KIAA1549L: variants seen among roughly 807,000 people sequenced by gnomAD.
KIAA1549L encodes the protein UPF0606 protein KIAA1549L.
KIAA1549L carries 88 observed loss-of-function variants against 160.7 expected under a neutral mutation model. The observed-to-expected ratio is 0.55, with a 90% CI of 0.46 to 0.65. KIAA1549L has a LOEUF of 0.65. KIAA1549L is among the 30% of genes least tolerant of loss of function. The probability of loss-of-function intolerance (pLI) is 0.00; values close to 1 mark genes in which losing one functional copy is unlikely to be tolerated. For synonymous variants in KIAA1549L, 950 were observed against 976.7 expected (o/e 0.97, Z 0.51); for missense variants, 2,258 against 2,437.5 (o/e 0.93, Z 1.55).
At chr11:33,546,509 A>G (rs1032847913) in intron 3 of KIAA1549L, among the ~76,000 whole-genome samples, 30 of 151,956 alleles carry the variant, frequency 2.0e-4, no homozygotes, top group African/African-American at 6.5e-4. Context: ...TCTCCATCCT[A>G]TTTCACACTG....
chr11:33,525,401 G>A (rs1295073360), intron 1 of KIAA1549L, among the ~76,000 whole-genome samples: 1 of 152,166 alleles, frequency 6.6e-6, no homozygotes, highest in African/African-American at 2.4e-5. Flanking sequence ...GCAGCAGGAA[G>A]AACCCTATAG....
At chr11:33,586,912 T>C (rs189414508) in intron 11 of KIAA1549L, among the ~76,000 whole-genome samples, 4 of 152,298 alleles carry the variant, frequency 2.6e-5, no homozygotes, top group Admixed American at 2.6e-4. Context: ...TACTGTGCCA[T>C]TGATATCAAA....
chr11:33,403,042 A>G (rs559394687), intron 1 of KIAA1549L, among the ~76,000 whole-genome samples: 2 of 152,278 alleles, frequency 1.3e-5, no homozygotes, highest in African/African-American at 4.8e-5. Flanking sequence ...GGATCTTGAC[A>G]ACAGAGTAAG....
Position 33,457,251 on chromosome 11 carries a change from C to T in KIAA1549L, c.238+80362C>T, listed in dbSNP as rs1730160256. Among the ~76,000 whole-genome samples the T allele has an allele frequency of 2.0e-5, 3 of 152,314 alleles. No homozygotes were observed. The South Asian group carries it at 6.2e-4, about 32-fold the overall frequency. On this transcript the variant is annotated intron_variant, in intron 1 of 20. Transcript: ENST00000658780. ...TTGGACTTCCCAGTGAATTCTTCCC[C>T]TCTCTTAAAGAGCTTGAAGTGTGTG...
intron 11 of KIAA1549L, among the ~76,000 whole-genome samples, chr11:33,588,525 A>T (rs942876412): frequency 2.6e-4 from 40 of 152,182 alleles, no homozygotes; most frequent in Non-Finnish European, 1.5e-5. Context: ...AAGCAACGAG[A>T]CCGAGGCAGG....
chr11:33,516,730 CAACCTTT>C (rs1197582231), intron 1 of KIAA1549L, among the ~76,000 whole-genome samples: 1 of 150,506 alleles, frequency 6.6e-6, no homozygotes, highest in Non-Finnish European at 1.5e-5. Flanking sequence ...CTGACCAATC[CAACCTTT>C]AATTTCTCCT....
At chr11:33,500,436 C>A (rs1456888167) in intron 1 of KIAA1549L, among the ~76,000 whole-genome samples, 2 of 152,136 alleles carry the variant, frequency 1.3e-5, no homozygotes, top group Non-Finnish European at 2.9e-5. Flanking sequence ...ATAAAGCAAG[C>A]AAGCCAAAAA....
At chr11:33,626,471 T>G (rs1367171748) in intron 16 of KIAA1549L, among the ~76,000 whole-genome samples, 1 of 149,760 alleles carries the variant, frequency 6.7e-6, no homozygotes, top group Admixed American at 6.6e-5. Context: ...GAAGAGGTCC[T>G]TCACATCCCT....
intron 17 of KIAA1549L, among the ~76,000 whole-genome samples, chr11:33,650,625 T>C (rs1851856775): frequency 6.6e-6 from 1 of 152,180 alleles, no homozygotes; most frequent in African/African-American, 2.4e-5. Flanking sequence ...AGCCGTATCC[T>C]CTTTCTCCTA....
At chr11:33,460,109 T>C (rs1407764062) in intron 1 of KIAA1549L, among the ~76,000 whole-genome samples, 1 of 152,150 alleles carries the variant, frequency 6.6e-6, no homozygotes, top group African/African-American at 2.4e-5. Flanking sequence ...AGAAAGTGAT[T>C]AAAATGTATG....
At chr11:33,476,982 A>G (rs1436151946) in intron 1 of KIAA1549L, among the ~76,000 whole-genome samples, 1 of 152,224 alleles carries the variant, frequency 6.6e-6, no homozygotes, top group Non-Finnish European at 1.5e-5. Context: ...TTGGGAGTTC[A>G]ACAAATAAGT....
Position 33,416,347 on chromosome 11 carries a change from C to T in KIAA1549L, c.238+39458C>T, listed in dbSNP as rs185883250. Among the ~76,000 whole-genome samples the T allele has an allele frequency of 2.3e-3, 349 of 152,046 alleles. 1 individual carries two copies. The highest frequency in any genetic ancestry group is 8.0e-3 in the African/African-American group (332 of 41,450). On this transcript the variant is annotated intron_variant, in intron 1 of 20. Transcript: ENST00000658780. ...TGTAATTGGTCAGCTGTTCCATTCC[C>T]GAACAGCTCTTCTTTGAGATTCTGT...
chr11:33,396,646 C>CTTTTTTT (rs11462981), intron 1 of KIAA1549L, among the ~76,000 whole-genome samples: 1 of 150,510 alleles, frequency 6.6e-6, no homozygotes, highest in Non-Finnish European at 1.5e-5. Flanking sequence ...CATTAACTTT[C>CTTTTTTT]TTTTTTTTTC....
At chr11:33,412,000 A>G (rs555644723) in intron 1 of KIAA1549L, among the ~76,000 whole-genome samples, 1 of 152,292 alleles carries the variant, frequency 6.6e-6, no homozygotes, top group South Asian at 2.1e-4. Flanking sequence ...TTGAAGGTGA[A>G]ACATCTTTCT....
chr11:33,409,474 CT>C (rs1850742888), intron 1 of KIAA1549L, among the ~76,000 whole-genome samples: 1 of 152,188 alleles, frequency 6.6e-6, no homozygotes, highest in Non-Finnish European at 1.5e-5. Context: ...CTCCTTTGTG[CT>C]TCAGTGACAT....
intron 1 of KIAA1549L, among the ~76,000 whole-genome samples, chr11:33,395,421 TTCTC>T (rs1448733373): frequency 1.3e-5 from 2 of 152,200 alleles, no homozygotes; most frequent in Non-Finnish European, 2.9e-5. Flanking sequence ...TCTTTTTCTC[TTCTC>T]TCTAATTTTC....
chr11:33,574,206 TAAAA>T (rs59436587), intron 9 of KIAA1549L, among the ~76,000 whole-genome samples: 5 of 137,748 alleles, frequency 3.6e-5, no homozygotes, highest in African/African-American at 5.2e-5. Flanking sequence ...AACTTTTAGG[TAAAA>T]AAAAAAAAAA....
chr11:33,403,993 A>G (rs898240202), intron 1 of KIAA1549L, among the ~76,000 whole-genome samples: 3 of 152,194 alleles, frequency 2.0e-5, no homozygotes, highest in Admixed American at 6.5e-5. Flanking sequence ...TTTATTTTCA[A>G]TGGGATTTGA....
At chr11:33,530,437 ATATATATATATATAT>A (rs1476004690) in intron 1 of KIAA1549L, among the ~76,000 whole-genome samples, 7 of 3,186 alleles carry the variant, frequency 2.2e-3, no homozygotes, top group Non-Finnish European at 4.5e-3. Context: ...AAAAAAAAAA[ATATATATATATATAT>A]ATATATATAT....
Sources: gnomAD v4.1 joint callset for allele counts (sites outside exome capture counted in the v4.1 genomes callset) on GRCh38, gnomAD v4.1.1 for gene constraint, MANE v1.5 for transcripts, NCBI Gene and HGNC (gene_info 2026-07-23, HGNC 2026-07-21) for gene names.